Variants in ROR1 observed in about 807,000 individuals in gnomAD.
ROR1 encodes the protein ROR family WNT receptor 1, also known as inactive tyrosine-protein kinase transmembrane receptor ROR1.
In ROR1, 19 loss-of-function variants were observed where a neutral mutation model predicts 78.8. The observed-to-expected ratio is 0.24, with a 90% CI of 0.17 to 0.35. The LOEUF (loss-of-function observed/expected upper bound fraction) is 0.35. ROR1 is among the 10% of genes least tolerant of loss of function. The pLI is 1.00. For synonymous variants in ROR1, 386 were observed against 433.6 expected, an observed-to-expected ratio of 0.89 and a Z score of 1.36; for missense variants, 917 against 1,177.8, an observed-to-expected ratio of 0.78 and a Z score of 3.24.
chr1:63,921,019 A>T (rs548157901), intron 1 of ROR1, among the ~76,000 whole-genome samples: 24 of 152,334 alleles, frequency 1.6e-4, no homozygotes, highest in African/African-American at 5.8e-4. Flanking sequence ...AGGGTGATGA[A>T]CAGACCCTAC....
At chr1:63,956,597 G>A (rs984221161) in intron 1 of ROR1, among the ~76,000 whole-genome samples, 1 of 152,176 alleles carries the variant, frequency 6.6e-6, no homozygotes, top group Non-Finnish European at 1.5e-5. Context: ...GTGTGTCTGA[G>A]GGGTCCTTAA....
chr1:63,782,331 C>T lies in ROR1; in HGVS notation c.91+7823C>T, dbSNP rs528866975. Among the ~76,000 whole-genome samples the T allele has an allele frequency of 6.6e-5, 10 of 152,158 alleles. No homozygotes were observed. In the South Asian group the frequency reaches 1.9e-3, roughly 28 times the overall value. Reference sequence around the variant, plus strand: ...AAATGAAATTGGAGGTAATTTTTGTCGCTTGTAGGCTTGACCCATAAAAAA... The same window carrying T: ...AAATGAAATTGGAGGTAATTTTTGTTGCTTGTAGGCTTGACCCATAAAAAA... On this transcript the variant is annotated intron_variant, in intron 1 of 8. Transcript: ENST00000371079.
At chr1:63,957,177 T>G (rs1018394099) in intron 1 of ROR1, among the ~76,000 whole-genome samples, 1 of 152,224 alleles carries the variant, frequency 6.6e-6, no homozygotes, top group Non-Finnish European at 1.5e-5. Flanking sequence ...CATCGGCTCC[T>G]TCTGCATTTT....
At chr1:63,888,975 G>A (rs1355887045) in intron 1 of ROR1, among the ~76,000 whole-genome samples, 1 of 152,086 alleles carries the variant, frequency 6.6e-6, no homozygotes, top group Non-Finnish European at 1.5e-5. Flanking sequence ...CATGCAACTT[G>A]GCTGAGTGGT....
intron 1 of ROR1, among the ~76,000 whole-genome samples, chr1:63,993,005 G>A (rs757667212): frequency 5.3e-5 from 8 of 152,136 alleles, no homozygotes; most frequent in African/African-American, 1.7e-4. Flanking sequence ...TACCTAATAA[G>A]TGTCCAACAC....
intron 1 of ROR1, among the ~76,000 whole-genome samples, chr1:63,904,501 C>T (rs1335842422): frequency 6.6e-6 from 1 of 152,192 alleles, no homozygotes; most frequent in Non-Finnish European, 1.5e-5. Context: ...AGTCCCAAGT[C>T]TCCAAATCCA....
chr1:63,981,173 T>C (rs1646207390), intron 1 of ROR1, among the ~76,000 whole-genome samples: 1 of 152,150 alleles, frequency 6.6e-6, no homozygotes, highest in Admixed American at 6.5e-5. Context: ...TGCTTGAAGG[T>C]TGGCATCCGT....
intron 7 of ROR1, among the ~76,000 whole-genome samples, chr1:64,155,729 T>A (rs1649750955): frequency 6.6e-6 from 1 of 152,232 alleles, no homozygotes; most frequent in Non-Finnish European, 1.5e-5. Flanking sequence ...GAAAAATGAC[T>A]AGCATTGCGT....
rs1646821432 is a variant in ROR1, at chr1:64,050,671, CTTTCA to C, written c.452-10_452-6del. On this transcript the variant is annotated splice_polypyrimidine_tract_variant and intron_variant, in intron 3 of 8. Coordinates refer to ENST00000371079, the MANE Select transcript of ROR1 (RefSeq NM_005012.4). ...TAGACTGACTGTTTCTTTTGTTTTT[CTTTCA>C]TTTCTTCAGGCCCCCCTCCCACTGC... The C allele has an allele frequency of 6.2e-7, 1 of 1,613,012 alleles. No homozygotes were observed. Among genetic ancestry groups the C allele is most frequent in the African/African-American group, 1.3e-5 (1 of 74,944 alleles).
intron 1 of ROR1, among the ~76,000 whole-genome samples, chr1:63,882,349 G>A (rs1489674487): frequency 1.3e-5 from 2 of 152,130 alleles, no homozygotes; most frequent in African/African-American, 4.8e-5. Context: ...ATATTAATCT[G>A]AAAAGAAGGC....
At position 64,059,535 on chromosome 1, in the gene ROR1, C is replaced by G. The variant is rs562867088; in HGVS notation, c.482+8819C>G. Reference sequence around the variant, plus strand: ...GCCAGCCTGACCAACATGGTGAAACCCTGTCTCTACTAAAAATACAAAAAT... The same window carrying G: ...GCCAGCCTGACCAACATGGTGAAACGCTGTCTCTACTAAAAATACAAAAAT... On this transcript the variant is annotated intron_variant, in intron 4 of 8. Coordinates refer to ENST00000371079, the MANE Select transcript of ROR1 (RefSeq NM_005012.4). Among the ~76,000 whole-genome samples, 27 of 151,992 alleles carry G rather than the reference C, an allele frequency of 1.8e-4. No homozygotes were observed. The East Asian group carries it at 5.0e-3, about 28-fold the overall frequency.
chr1:63,972,448 A>C (rs756547690), intron 1 of ROR1, among the ~76,000 whole-genome samples: 8 of 152,202 alleles, frequency 5.3e-5, no homozygotes, highest in Non-Finnish European at 5.9e-5. Context: ...ATCTCCCTGC[A>C]GTGCCTAGCA....
At chr1:63,779,107 G>A (rs988741696) in intron 1 of ROR1, among the ~76,000 whole-genome samples, 4 of 152,222 alleles carry the variant, frequency 2.6e-5, no homozygotes, top group African/African-American at 9.6e-5. Context: ...GAAGCACCTT[G>A]TTGGATGGCC....
chr1:64,177,737 A>G lies in ROR1; in HGVS notation c.1696A>G (p.Met566Val), dbSNP rs1306813734. The change falls in exon 9 of 9, where the codon ATG becomes GTG. Residue 566 changes from methionine (M) to valine (V), a missense_variant. Coordinates refer to ENST00000371079, the MANE Select transcript of ROR1 (RefSeq NM_005012.4). ...GGGGGATCTCCATGAGTTCCTCATC[A>G]TGAGATCCCCACACTCTGATGTTGG... is the stretch of plus-strand genomic sequence containing the variant. The part of the protein sequence containing the change: ...NQGDLHEFLI[M>V]RSPHSDVGCS... 2 of 1,614,044 alleles carry G rather than the reference A, an allele frequency of 1.2e-6. No individual in the cohort carries two copies. The highest frequency in any genetic ancestry group is 2.7e-5 in the African/African-American group (2 of 74,916).
In ROR1 at chr1:64,132,760, CAAAA is replaced by C. The variant is rs749607703; in HGVS notation, c.483-4588_483-4585del. Reference sequence around the variant, plus strand: ...GCGCAATGGGAGCGAGACTCCATCTCAAAAAAAAAAAAAAAAAAAAAAAAGAGAG... The same window carrying C: ...GCGCAATGGGAGCGAGACTCCATCTCAAAAAAAAAAAAAAAAAAAAGAGAG... On this transcript the variant is annotated intron_variant, in intron 4 of 8. Transcript: ENST00000371079. 8.4e-4 allele frequency among the ~76,000 whole-genome samples: 59 copies of C among 70,446 alleles called. No homozygotes were observed. In the South Asian group the frequency reaches 0.016, roughly 19 times the overall value. The allele number at this position is 70,446 out of a possible 152,430, so 46.2% of individuals were successfully genotyped here.
At position 64,021,090 on chromosome 1, in the gene ROR1, G is replaced by A. The variant is rs190290755; in HGVS notation, c.163+11714G>A. Among the ~76,000 whole-genome samples the A allele has an allele frequency of 3.2e-3, 478 of 151,078 alleles. 3 individuals are homozygous for A. Among genetic ancestry groups the A allele is most frequent in the African/African-American group, 0.011 (455 of 41,218 alleles). On this transcript the variant is annotated intron_variant, in intron 2 of 8. Transcript: ENST00000371079. ...AGCAGCTTAGGAAGTTCAAATCCCCGCATACCTCAGAGGCCTCCTAGCCTC... is the reference window on the plus strand; with the variant it reads ...AGCAGCTTAGGAAGTTCAAATCCCCACATACCTCAGAGGCCTCCTAGCCTC...
chr1:64,109,455 G>C (rs1020184384), intron 4 of ROR1, among the ~76,000 whole-genome samples: 1 of 152,212 alleles, frequency 6.6e-6, no homozygotes, highest in Admixed American at 6.5e-5. Context: ...ACATCTTTTT[G>C]ACTCAAGCCC....
At chr1:64,063,872 G>T (rs1264479457) in intron 4 of ROR1, among the ~76,000 whole-genome samples, 3 of 152,150 alleles carry the variant, frequency 2.0e-5, no homozygotes, top group Non-Finnish European at 4.4e-5. Flanking sequence ...CCCAAGTGAT[G>T]TCATGTCCAT....
chr1:63,846,426 G>T (rs1476929218), intron 1 of ROR1, among the ~76,000 whole-genome samples: 4 of 152,062 alleles, frequency 2.6e-5, no homozygotes, highest in Non-Finnish European at 5.9e-5. Context: ...TAATGTCAAG[G>T]TGGGGGCCCT....
Sources: allele counts gnomAD v4.1 joint callset (sites outside exome capture counted in the v4.1 genomes callset), GRCh38; gene constraint gnomAD v4.1.1; transcripts MANE v1.5; gene names NCBI Gene and HGNC (gene_info 2026-07-23, HGNC 2026-07-21).